Variants in NUDT3 observed in about 807,000 individuals in gnomAD.
NUDT3 encodes the protein diphosphoinositol polyphosphate phosphohydrolase 1.
NUDT3 carries 9 observed loss-of-function variants against 23.6 expected under a neutral mutation model. That is an observed-to-expected ratio of 0.38 (90% confidence interval 0.23 to 0.66). The LOEUF (loss-of-function observed/expected upper bound fraction) is 0.66, where lower values mean the gene tolerates loss of function less well. NUDT3 is among the 30% of genes least tolerant of loss of function. The pLI is 0.52. For synonymous variants in NUDT3, 86 were observed against 82.6 expected, an observed-to-expected ratio of 1.04 and a Z score of -0.22; for missense variants, 172 against 218.5, an observed-to-expected ratio of 0.79 and a Z score of 1.34.
At chr6:34,296,085 T>C (rs185143559) in intron 2 of NUDT3, among the ~76,000 whole-genome samples, 18 of 152,268 alleles carry the variant, frequency 1.2e-4, no homozygotes, top group Admixed American at 4.6e-4. Context: ...TTGGTCAACA[T>C]AGCAAGATCC....
At position 34,287,863 on chromosome 6, in the gene NUDT3, T is replaced by C. The variant is rs1218100399; in HGVS notation, c.*890A>G. 6.6e-6 allele frequency: 1 copy of C among 152,218 alleles called. No individual in the cohort carries two copies. Among genetic ancestry groups the C allele is most frequent in the Non-Finnish European group, 1.5e-5 (1 of 68,046 alleles). The allele number at this position is 152,218 out of a possible 1,614,324, so 9.4% of individuals were successfully genotyped here. On this transcript the variant is annotated 3_prime_UTR_variant, in exon 5 of 5. Transcript: ENST00000607016. ...CCCAAGAATCCAGTTCCAACTCTAC[T>C]GTCAACATGTGGGGCAGAATTCAAT... is the stretch of plus-strand genomic sequence containing the variant.
chr6:34,321,089 A>C (rs1184224072), intron 2 of NUDT3, among the ~76,000 whole-genome samples: 1 of 152,106 alleles, frequency 6.6e-6, no homozygotes, highest in African/African-American at 2.4e-5. Context: ...GAAAGCAGTT[A>C]GAATGACTGG....
At chr6:34,364,032 T>C (rs1273003554) in intron 1 of NUDT3, among the ~76,000 whole-genome samples, 4 of 152,162 alleles carry the variant, frequency 2.6e-5, no homozygotes, top group African/African-American at 4.8e-5. Context: ...AGGAAGCTAG[T>C]TGCTAACTAA....
intron 1 of NUDT3, among the ~76,000 whole-genome samples, chr6:34,390,538 A>G (rs537161437): frequency 1.3e-5 from 2 of 150,698 alleles, no homozygotes; most frequent in Non-Finnish European, 3.0e-5. Context: ...TATTATTATT[A>G]TTTTTTTTTA....
intron 1 of NUDT3, among the ~76,000 whole-genome samples, chr6:34,342,287 T>G (rs1764299265): frequency 1.1e-5 from 1 of 93,104 alleles, no homozygotes; most frequent in South Asian, 3.7e-4. Flanking sequence ...AATAGAAGAC[T>G]TCAAAAAAAA....
chr6:34,341,319 T>C (rs1764285006), intron 2 of NUDT3, among the ~76,000 whole-genome samples: 1 of 152,176 alleles, frequency 6.6e-6, no homozygotes, highest in Non-Finnish European at 1.5e-5. Flanking sequence ...GAGTATCTAG[T>C]AGGATATCAT....
At chr6:34,311,656 A>G (rs1282409358) in intron 2 of NUDT3, among the ~76,000 whole-genome samples, 2 of 152,226 alleles carry the variant, frequency 1.3e-5, no homozygotes, top group East Asian at 1.9e-4. Flanking sequence ...GAGAACGGAT[A>G]CCCAACTTCA....
At chr6:34,320,145 C>T (rs1028360695) in intron 2 of NUDT3, among the ~76,000 whole-genome samples, 6 of 152,064 alleles carry the variant, frequency 3.9e-5, no homozygotes, top group South Asian at 2.1e-4. Flanking sequence ...TGTTAATAGG[C>T]GAAAACTCAC....
chr6:34,340,938 A>G (rs1262322519), intron 2 of NUDT3, among the ~76,000 whole-genome samples: 1 of 152,226 alleles, frequency 6.6e-6, no homozygotes, highest in Non-Finnish European at 1.5e-5. Flanking sequence ...GGGTAAGATT[A>G]TTCTAAGAGC....
At chr6:34,362,861 T>C (rs1172836824) in intron 1 of NUDT3, among the ~76,000 whole-genome samples, 1 of 152,024 alleles carries the variant, frequency 6.6e-6, no homozygotes, top group East Asian at 1.9e-4. Context: ...AGGAAACTGG[T>C]TTAAAGAGAA....
chr6:34,348,314 G>T (rs532670818), intron 1 of NUDT3, among the ~76,000 whole-genome samples: 1 of 123,434 alleles, frequency 8.1e-6, no homozygotes, highest in African/African-American at 2.7e-5. Context: ...AACAGAAACC[G>T]CCCCCCACCA....
In NUDT3 at chr6:34,392,254, G is replaced by A. The variant is rs759410698; in HGVS notation, c.99+10C>T. ...CCGGCGACCCCGGCCCGCCCAGCCT[G>A]CCGCCTCACCTCCTCCTCGCTCTCG... is the stretch of plus-strand genomic sequence containing the variant. On this transcript the variant is annotated intron_variant, in intron 1 of 4. Transcript: ENST00000607016. 5.7e-6 allele frequency: 9 copies of A among 1,581,298 alleles called. No individual in the cohort carries two copies. The highest frequency in any genetic ancestry group is 8.5e-7 in the Non-Finnish European group (1 of 1,169,962).
chr6:34,368,009 T>C (rs769796303), intron 1 of NUDT3, among the ~76,000 whole-genome samples: 8 of 152,102 alleles, frequency 5.3e-5, no homozygotes, highest in East Asian at 1.9e-4. Flanking sequence ...GAGACCAGAC[T>C]GGCCAATATG....
At chr6:34,291,428 G>A (rs1483980018) in intron 4 of NUDT3, among the ~76,000 whole-genome samples, 1 of 152,090 alleles carries the variant, frequency 6.6e-6, no homozygotes, top group Non-Finnish European at 1.5e-5. Flanking sequence ...AGGCGACACT[G>A]ATCCCCAGTC....
intron 1 of NUDT3, among the ~76,000 whole-genome samples, chr6:34,367,091 G>A (rs547284012): frequency 6.6e-6 from 1 of 152,172 alleles, no homozygotes; most frequent in East Asian, 1.9e-4. Flanking sequence ...ATTTTGCTAT[G>A]TTGGCAAGGC....
chr6:34,297,393 G>C (rs371546322), intron 2 of NUDT3, among the ~76,000 whole-genome samples: 1 of 151,928 alleles, frequency 6.6e-6, no homozygotes, highest in East Asian at 1.9e-4. Context: ...GGTTGGAAAG[G>C]CAGTTCTGTA....
intron 2 of NUDT3, among the ~76,000 whole-genome samples, chr6:34,309,685 G>A (rs904005466): frequency 6.6e-6 from 1 of 151,796 alleles, no homozygotes; most frequent in Non-Finnish European, 1.5e-5. Flanking sequence ...TATAAAAATT[G>A]ATAAGTCTTC....
At chr6:34,316,293 C>T (rs1047838381) in intron 2 of NUDT3, among the ~76,000 whole-genome samples, 6 of 152,158 alleles carry the variant, frequency 3.9e-5, no homozygotes, top group African/African-American at 1.4e-4. Flanking sequence ...GATGGCATCC[C>T]AGACTGCCCT....
At chr6:34,376,240 C>T (rs1467124877) in intron 1 of NUDT3, among the ~76,000 whole-genome samples, 1 of 151,996 alleles carries the variant, frequency 6.6e-6, no homozygotes, top group East Asian at 1.9e-4. Context: ...CCATGAGCTC[C>T]TTCATCTTTT....
Sources: gnomAD v4.1 joint callset for allele counts (sites outside exome capture counted in the v4.1 genomes callset) on GRCh38, gnomAD v4.1.1 for gene constraint, MANE v1.5 for transcripts, NCBI Gene and HGNC (gene_info 2026-07-23, HGNC 2026-07-21) for gene names.